TENT4A: variants seen among roughly 807,000 people sequenced by gnomAD.
The protein encoded by TENT4A is terminal nucleotidyltransferase 4A.
Under a neutral mutation model 72.8 loss-of-function variants are expected in TENT4A, and 7 were observed. That is an observed-to-expected ratio of 0.10 (90% CI 0.05 to 0.18). The LOEUF is 0.18. TENT4A is among the 10% of genes least tolerant of loss of function. TENT4A has a pLI of 1.00. For missense variants in TENT4A, 831 were observed against 1,017.7 expected, an observed-to-expected ratio of 0.82 and a Z score of 2.50; for synonymous variants, 456 against 434.3, an observed-to-expected ratio of 1.05 and a Z score of -0.62.
At chr5:6,732,649 T>C (rs963426146) in intron 1 of TENT4A, among the ~76,000 whole-genome samples, 1 of 152,228 alleles carries the variant, frequency 6.6e-6, no homozygotes, top group African/African-American at 2.4e-5. Context: ...ATGAACTTTA[T>C]TCTCTAATTT....
At chr5:6,729,031 A>G (rs1741075770) in intron 1 of TENT4A, among the ~76,000 whole-genome samples, 1 of 152,234 alleles carries the variant, frequency 6.6e-6, no homozygotes, top group African/African-American at 2.4e-5. Flanking sequence ...ACAACTTTAA[A>G]ATATTGTATA....
rs541555642 is a variant in TENT4A, at chr5:6,750,413, C to T, written c.1770C>T (p.Gly590=). 1.9e-6 allele frequency: 3 copies of T among 1,613,442 alleles called. No individual in the cohort carries two copies. Among genetic ancestry groups the T allele is most frequent in the African/African-American group, 2.7e-5 (2 of 74,992 alleles). The change falls in exon 10 of 13, where the codon GGC becomes GGT. Residue 590 remains glycine, a synonymous_variant. Transcript: ENST00000230859. ...ACCGAGAGCCCGAGTCTCCCTATGG[C>T]CAGCGCTTGACTTTGTCGCTGTCCA... ...TQNREPESPY[G]QRLTLSLSSP... is the part of the protein sequence containing the mutation.
In TENT4A at chr5:6,713,910, GGCCTCGGGGCGCGGCGGGGGCGGGGCC is replaced by G. The variant is rs1416832852; in HGVS notation, c.-71_-45del. 5.3e-6 allele frequency: 3 copies of G among 568,602 alleles called. No homozygotes were observed. The African/African-American group carries it at 6.2e-5, about 12-fold the overall frequency. 35.2% of individuals were successfully genotyped at this position (568,602 alleles called of 1,614,324 possible). A position where few individuals can be genotyped will look rare whatever the true frequency, so the allele number is the denominator to read the frequency against. The stretch of plus-strand genomic sequence containing the variant: ...CCGTCCGTCCGTGCGCGCGCGGCCG[GGCCTCGGGGCGCGGCGGGGGCGGGGCC>G]GCGTCGGGGCGGGCGGGCGCGCGGG... On this transcript the variant is annotated 5_prime_UTR_variant, in exon 1 of 13. Transcript: ENST00000230859.
chr5:6,718,283 C>G (rs921300273), intron 1 of TENT4A, among the ~76,000 whole-genome samples: 2 of 152,206 alleles, frequency 1.3e-5, no homozygotes, highest in African/African-American at 2.4e-5. Flanking sequence ...TTCTTTCTTG[C>G]GAAGGAGTCA....
chr5:6,752,732 A>G (rs1742477394), intron 11 of TENT4A, 141 bp from the exon 12 acceptor site: 4 of 623,848 alleles, frequency 6.4e-6, no homozygotes, highest in African/African-American at 1.8e-5. Context: ...TTGTTAGGTA[A>G]TAGTAAAACA....
At chr5:6,750,547 G>A in intron 10 of TENT4A, 44 bp downstream of exon 10, 1 of 1,489,044 alleles carries the variant, frequency 6.7e-7, no homozygotes, top group Non-Finnish European at 9.0e-7. Context: ...GACAGTTTGT[G>A]TCTCTGGTAA....
Position 6,749,628 on chromosome 5 carries a change from G to A in TENT4A, c.1658G>A (p.Gly553Asp). The change falls in exon 9 of 13, where the codon GGC becomes GAC. Residue 553 changes from glycine to aspartate, a missense_variant. Gly to Asp is a moderately conservative substitution (Grantham distance 94). Coordinates refer to ENST00000230859, the MANE Select transcript of TENT4A (RefSeq NM_006999.6). ...CGGAGGTGGATCAAAGAGAAGTGGG[G>A]CAGCAAAGCCCACCCGTCGCCAGGC... ...DYRRWIKEKW[G>D]SKAHPSPGMD... 1 of 1,613,626 alleles carries A rather than the reference G, an allele frequency of 6.2e-7. No individual in the cohort carries two copies. The highest frequency in any genetic ancestry group is 8.5e-7 in the Non-Finnish European group (1 of 1,179,572).
intron 3 of TENT4A, among the ~76,000 whole-genome samples, chr5:6,739,518 T>C (rs1365094537): frequency 6.6e-6 from 1 of 152,230 alleles, no homozygotes; most frequent in Non-Finnish European, 1.5e-5. Context: ...TTCCATCTTA[T>C]GCTACAAATA....
chr5:6,755,687 G>A lies in TENT4A; in HGVS notation c.*742G>A, dbSNP rs1026744525. 1.3e-5 allele frequency: 2 copies of A among 152,360 alleles called. No individual in the cohort carries two copies. Among genetic ancestry groups the A allele is most frequent in the Non-Finnish European group, 2.9e-5 (2 of 68,064 alleles). The allele number at this position is 152,360 out of a possible 1,614,324, so 9.4% of individuals were successfully genotyped here. On this transcript the variant is annotated 3_prime_UTR_variant, in exon 13 of 13. Transcript: ENST00000230859. ...GTGAAGGAGCCAGGTCGCCCTGAAGGTTTTCCAAAGGGCTTGGCTCCAGAG... is the reference window on the plus strand; with the variant it reads ...GTGAAGGAGCCAGGTCGCCCTGAAGATTTTCCAAAGGGCTTGGCTCCAGAG...
chr5:6,726,289 A>T (rs1482222076), intron 1 of TENT4A, among the ~76,000 whole-genome samples: 1 of 152,150 alleles, frequency 6.6e-6, no homozygotes, highest in Non-Finnish European at 1.5e-5. Context: ...AAGGGTCTGC[A>T]GTCTCGTCTC....
At chr5:6,727,967 C>T (rs1741019868) in intron 1 of TENT4A, among the ~76,000 whole-genome samples, 1 of 145,286 alleles carries the variant, frequency 6.9e-6, no homozygotes, top group South Asian at 2.1e-4. Context: ...GAGTTCTTTT[C>T]TCTGTCTCCC....
intron 1 of TENT4A, among the ~76,000 whole-genome samples, chr5:6,715,779 A>G (rs1740349013): frequency 6.6e-6 from 1 of 152,190 alleles, no homozygotes; most frequent in Non-Finnish European, 1.5e-5. Flanking sequence ...ATACACTGTA[A>G]TAGCTGCATG....
intron 1 of TENT4A, among the ~76,000 whole-genome samples, chr5:6,721,949 C>G (rs879266164): frequency 4.6e-5 from 7 of 152,138 alleles, no homozygotes; most frequent in Admixed American, 3.3e-4. Flanking sequence ...TGTAACATTT[C>G]TGGAATCCTG....
intron 11 of TENT4A, among the ~76,000 whole-genome samples, chr5:6,752,165 C>T (rs1040914672): frequency 6.6e-6 from 1 of 152,218 alleles, no homozygotes; most frequent in Non-Finnish European, 1.5e-5. Context: ...TTTGTTTTAA[C>T]CACCCACAAG....
chr5:6,720,620 G>A (rs1245646062), intron 1 of TENT4A, among the ~76,000 whole-genome samples: 4 of 151,800 alleles, frequency 2.6e-5, no homozygotes, highest in Non-Finnish European at 5.9e-5. Context: ...AGGTTGCAGT[G>A]AGCCGAGATC....
chr5:6,723,325 C>T (rs560041857), intron 1 of TENT4A, among the ~76,000 whole-genome samples: 4 of 152,188 alleles, frequency 2.6e-5, no homozygotes, highest in South Asian at 2.1e-4. Context: ...CATTTTTGCA[C>T]GCAGGTTAAT....
intron 12 of TENT4A, among the ~76,000 whole-genome samples, chr5:6,753,323 CTT>C (rs1178170561): frequency 3.3e-5 from 5 of 152,212 alleles, no homozygotes; most frequent in Admixed American, 6.5e-5. Flanking sequence ...AAAATGAAGA[CTT>C]TTCCCATTTA....
In TENT4A at chr5:6,755,978, G is replaced by A. The variant is rs1215485214; in HGVS notation, c.*1033G>A. The A allele has an allele frequency of 6.6e-6, 1 of 152,230 alleles. No individual in the cohort carries two copies. Among genetic ancestry groups the A allele is most frequent in the Non-Finnish European group, 1.5e-5 (1 of 68,040 alleles). 9.4% of individuals were successfully genotyped at this position (152,230 alleles called of 1,614,324 possible). A position where few individuals can be genotyped will look rare whatever the true frequency, so the allele number is the denominator to read the frequency against. ...CTGGTGACTATTATTGCGGACCGTG[G>A]TACCCAGTTTTAGGAATGTGGAGAA... On this transcript the variant is annotated 3_prime_UTR_variant, in exon 13 of 13. Coordinates refer to ENST00000230859, the MANE Select transcript of TENT4A (RefSeq NM_006999.6).
chr5:6,737,727 C>A, intron 2 of TENT4A, 94 bp downstream of exon 2: 1 of 1,380,476 alleles, frequency 7.2e-7, no homozygotes, highest in Non-Finnish European at 9.8e-7. Flanking sequence ...TCCACACAGA[C>A]CTTTTCTCGT....
Sources: gnomAD v4.1 joint callset for allele counts (sites outside exome capture counted in the v4.1 genomes callset) on GRCh38, gnomAD v4.1.1 for gene constraint, MANE v1.5 for transcripts, NCBI Gene and HGNC (gene_info 2026-07-23, HGNC 2026-07-21) for gene names.